Variants in EYA1 observed in about 807,000 individuals in gnomAD.
EYA1 encodes protein phosphatase EYA1.
A neutral mutation model predicts 82.0 loss-of-function variants in EYA1; 16 were observed. The observed-to-expected ratio is 0.20, with a 90% CI of 0.13 to 0.30. The LOEUF (loss-of-function observed/expected upper bound fraction) is 0.30, where lower values mean the gene tolerates loss of function less well. Among genes scored for constraint, EYA1 ranks in the 10% least tolerant of loss-of-function variants. The pLI, the probability that EYA1 is intolerant of heterozygous loss-of-function variation, is 1.00. For missense variants in EYA1, 633 were observed against 730.7 expected (o/e 0.87, Z 1.54); for synonymous variants, 261 against 264.4 (o/e 0.99, Z 0.12).
intron 11 of EYA1, among the ~76,000 whole-genome samples, chr8:71,246,060 A>ACATG (rs1813053030): frequency 6.6e-6 from 1 of 152,198 alleles, no homozygotes; most frequent in African/African-American, 2.4e-5. Context: ...CCAAGAAGCA[A>ACATG]CATGGTTCAT....
intron 12 of EYA1, among the ~76,000 whole-genome samples, chr8:71,233,575 A>G (rs1585906506): frequency 6.6e-6 from 1 of 151,592 alleles, no homozygotes; most frequent in Non-Finnish European, 1.5e-5. Flanking sequence ...AAAAAAAAAA[A>G]AAAAGAAAAA....
chr8:71,365,821 T>C (rs1827720266), upstream of EYA1, among the ~76,000 whole-genome samples: 2 of 152,164 alleles, frequency 1.3e-5, 1 homozygote, highest in South Asian at 4.1e-4. Context: ...TCTGCTGAAA[T>C]GCAACCAAGT....
intron 7 of EYA1, among the ~76,000 whole-genome samples, chr8:71,303,802 C>T (rs2129006111): frequency 7.0e-6 from 1 of 142,530 alleles, no homozygotes; most frequent in South Asian, 2.3e-4. Flanking sequence ...GTAGGCTCGC[C>T]CGTACATGCT....
chr8:71,282,184 C>T (rs926523923), intron 9 of EYA1, among the ~76,000 whole-genome samples: 1 of 152,178 alleles, frequency 6.6e-6, no homozygotes, highest in African/African-American at 2.4e-5. Context: ...AAGGCCAACC[C>T]CTCCTTTTGG....
chr8:71,414,026 T>C (rs1288253502), intron 2 of EYA1, among the ~76,000 whole-genome samples: 1 of 152,118 alleles, frequency 6.6e-6, no homozygotes, highest in Non-Finnish European at 1.5e-5. Flanking sequence ...GGAAAGAAAG[T>C]AGAATTGAGC....
chr8:71,339,214 G>A (rs560981623), intron 3 of EYA1, among the ~76,000 whole-genome samples: 1 of 152,020 alleles, frequency 6.6e-6, no homozygotes, highest in East Asian at 1.9e-4. Context: ...AGCCTCCCTT[G>A]CCTAGCCTGA....
At chr8:71,422,721 A>G (rs1360643477) in intron 2 of EYA1, among the ~76,000 whole-genome samples, 2 of 152,158 alleles carry the variant, frequency 1.3e-5, no homozygotes, top group Admixed American at 1.3e-4. Context: ...GGCAGGAAGG[A>G]AAAGAATGAG....
intron 2 of EYA1, among the ~76,000 whole-genome samples, chr8:71,392,379 T>C (rs1387558138): frequency 6.6e-6 from 1 of 152,166 alleles, no homozygotes; most frequent in African/African-American, 2.4e-5. Context: ...AGAGACCACC[T>C]TCAGGTTAAA....
chr8:71,322,399 G>T, intron 4 of EYA1, 131 bp from the exon 5 acceptor site: 1 of 758,092 alleles, frequency 1.3e-6, no homozygotes, highest in Non-Finnish European at 2.3e-6. Flanking sequence ...TTTGTGACCT[G>T]CGGAGATGGA....
At chr8:71,439,713 C>T (rs779176134) in intron 2 of EYA1, among the ~76,000 whole-genome samples, 9 of 152,162 alleles carry the variant, frequency 5.9e-5, no homozygotes, top group Non-Finnish European at 1.2e-4. Flanking sequence ...AGTTGCAAGA[C>T]TGCTCAGTCA....
At chr8:71,501,515 A>G (rs186590294) in intron 2 of EYA1, among the ~76,000 whole-genome samples, 2 of 152,382 alleles carry the variant, frequency 1.3e-5, no homozygotes, top group East Asian at 1.9e-4. Context: ...GGCATTCTCT[A>G]TCATGCCTGG....
At chr8:71,464,355 T>G (rs750826429) in intron 2 of EYA1, among the ~76,000 whole-genome samples, 1 of 152,226 alleles carries the variant, frequency 6.6e-6, no homozygotes, top group Non-Finnish European at 1.5e-5. Context: ...AAATGTGCAT[T>G]GCAGCTTATG....
intron 2 of EYA1, among the ~76,000 whole-genome samples, chr8:71,379,591 C>A (rs561339521): frequency 6.6e-6 from 1 of 152,248 alleles, no homozygotes; most frequent in Non-Finnish European, 1.5e-5. Flanking sequence ...AATAAAGTTA[C>A]CCTCATTTCA....
At chr8:71,537,272 T>C (rs761009703) in intron 1 of EYA1, among the ~76,000 whole-genome samples, 2 of 152,224 alleles carry the variant, frequency 1.3e-5, no homozygotes, top group Admixed American at 6.5e-5. Flanking sequence ...TTTCATAATG[T>C]CAAGTTGTGA....
intron 2 of EYA1, among the ~76,000 whole-genome samples, chr8:71,532,678 A>G (rs1814387252): frequency 6.6e-6 from 1 of 152,210 alleles, no homozygotes; most frequent in Non-Finnish European, 1.5e-5. Flanking sequence ...TATCAGAAAT[A>G]TGCGTAGGGA....
Position 71,479,361 on chromosome 8 carries a change from C to T in EYA1, c.33+56383G>A, listed in dbSNP as rs374348217. ...AACACCTTATTCAAATCACAACCCACTTGCCTCTAGCATTTCCTAGTCTTC... is the reference window on the plus strand; with the variant it reads ...AACACCTTATTCAAATCACAACCCATTTGCCTCTAGCATTTCCTAGTCTTC... On this transcript the variant is annotated intron_variant, in intron 2 of 18. Coordinates refer to the EYA1 transcript ENST00000643681. Among the ~76,000 whole-genome samples, 24 of 152,304 alleles carry T rather than the reference C, an allele frequency of 1.6e-4. No homozygotes were observed. In the East Asian group the frequency reaches 2.3e-3, roughly 15 times the overall value.
At chr8:71,422,496 T>G (rs550111215) in intron 2 of EYA1, among the ~76,000 whole-genome samples, 2 of 152,228 alleles carry the variant, frequency 1.3e-5, no homozygotes, top group Non-Finnish European at 2.9e-5. Flanking sequence ...GTATTGTCTC[T>G]GTCTGTGGTC....
chr8:71,361,045 A>T (rs1262747801), intron 1 of EYA1, among the ~76,000 whole-genome samples: 1 of 152,234 alleles, frequency 6.6e-6, no homozygotes, highest in Non-Finnish European at 1.5e-5. Flanking sequence ...AGAGAAAAAT[A>T]TATTAATTGG....
At chr8:71,493,967 G>A (rs1441764463) in intron 2 of EYA1, among the ~76,000 whole-genome samples, 1 of 127,536 alleles carries the variant, frequency 7.8e-6, no homozygotes, top group East Asian at 2.5e-4. Flanking sequence ...AGCTTGCAGT[G>A]AGCCGAGATC....
Sources: allele counts gnomAD v4.1 joint callset (sites outside exome capture counted in the v4.1 genomes callset), GRCh38; gene constraint gnomAD v4.1.1; transcripts MANE v1.5; gene names NCBI Gene and HGNC (gene_info 2026-07-23, HGNC 2026-07-21).